Variants in THSD4 observed in about 807,000 individuals in gnomAD.
THSD4 encodes thrombospondin type-1 domain-containing protein 4.
Under a neutral mutation model 119.0 loss-of-function variants are expected in THSD4, and 69 were observed. The observed-to-expected ratio is 0.58, with a 90% CI of 0.48 to 0.71. The LOEUF (loss-of-function observed/expected upper bound fraction) is 0.71. Ranked by LOEUF, THSD4 falls within the 30% of genes least tolerant of loss-of-function variation. THSD4 has a pLI of 0.00. For synonymous variants in THSD4, 524 were observed against 540.4 expected (o/e 0.97, Z 0.42); for missense variants, 1,393 against 1,391.1 (o/e 1.00, Z -0.02).
At chr15:71,208,520 T>TA (rs1349180276) in intron 3 of THSD4, among the ~76,000 whole-genome samples, 3 of 151,546 alleles carry the variant, frequency 2.0e-5, no homozygotes, top group Non-Finnish European at 4.4e-5. Context: ...TTTTTATTTT[T>TA]TTTTATTTTG....
chr15:71,469,939 A>G (rs371608090), intron 7 of THSD4, among the ~76,000 whole-genome samples: 2 of 152,234 alleles, frequency 1.3e-5, no homozygotes, highest in Admixed American at 6.5e-5. Flanking sequence ...ATAAATATGT[A>G]CAGTGTCAAA....
At chr15:71,209,599 A>G (rs943332851) in intron 3 of THSD4, among the ~76,000 whole-genome samples, 8 of 152,046 alleles carry the variant, frequency 5.3e-5, no homozygotes, top group Admixed American at 3.3e-4. Flanking sequence ...CTTTCCTTAC[A>G]CCAACATGTC....
At chr15:71,101,823 C>T (rs942618328) in intron 1 of THSD4, among the ~76,000 whole-genome samples, 6 of 151,924 alleles carry the variant, frequency 3.9e-5, no homozygotes, top group Non-Finnish European at 5.9e-5. Flanking sequence ...AAGCGATTCT[C>T]GTGCCTCAGC....
intron 3 of THSD4, among the ~76,000 whole-genome samples, chr15:71,173,810 G>C (rs1471914982): frequency 6.6e-6 from 1 of 152,028 alleles, no homozygotes; most frequent in Non-Finnish European, 1.5e-5. Context: ...GACACTGACA[G>C]CCATGGAGAC....
intron 5 of THSD4, among the ~76,000 whole-genome samples, chr15:71,251,585 A>G (rs1191802860): frequency 6.6e-6 from 1 of 152,226 alleles, no homozygotes; most frequent in African/African-American, 2.4e-5. Context: ...GTGACATTAA[A>G]TACATCATAT....
intron 8 of THSD4, among the ~76,000 whole-genome samples, chr15:71,718,472 T>G (rs2052651759): frequency 6.6e-6 from 1 of 152,190 alleles, no homozygotes; most frequent in Admixed American, 6.5e-5. Context: ...TGAGAACTGT[T>G]TGTGTCATGA....
chr15:71,224,445 T>G (rs2043998341), intron 4 of THSD4, among the ~76,000 whole-genome samples: 1 of 152,220 alleles, frequency 6.6e-6, no homozygotes, highest in African/African-American at 2.4e-5. Flanking sequence ...TTCAAGCTGT[T>G]TGGCTATGCC....
At chr15:71,247,220 TTTG>T (rs958815883) in intron 5 of THSD4, among the ~76,000 whole-genome samples, 7 of 151,200 alleles carry the variant, frequency 4.6e-5, no homozygotes, top group African/African-American at 7.3e-5. Context: ...TTTGTTTATT[TTTG>T]TTGTTTTTTT....
chr15:71,135,974 G>A (rs1314160005), intron 1 of THSD4, among the ~76,000 whole-genome samples: 1 of 120,010 alleles, frequency 8.3e-6, no homozygotes, highest in East Asian at 2.2e-4. Context: ...AAGTCCTTTG[G>A]TTTTTTGTTT....
intron 1 of THSD4, among the ~76,000 whole-genome samples, chr15:71,097,660 C>T (rs1185322809): frequency 1.3e-5 from 2 of 149,048 alleles, no homozygotes; most frequent in African/African-American, 2.5e-5. Flanking sequence ...TGTTGTTATA[C>T]GTTATATCTT....
At chr15:71,620,106 C>T (rs1228216490) in intron 7 of THSD4, among the ~76,000 whole-genome samples, 1 of 152,112 alleles carries the variant, frequency 6.6e-6, no homozygotes, top group Non-Finnish European at 1.5e-5. Flanking sequence ...GGAAACAGCC[C>T]AGCATTTGAA....
chr15:71,218,569 G>A (rs1284532758), intron 4 of THSD4, among the ~76,000 whole-genome samples: 1 of 152,182 alleles, frequency 6.6e-6, no homozygotes, highest in Non-Finnish European at 1.5e-5. Flanking sequence ...ATGCTCTTGT[G>A]ATTTGACAGT....
intron 6 of THSD4, among the ~76,000 whole-genome samples, chr15:71,391,800 G>C (rs1444532087): frequency 6.6e-6 from 1 of 152,170 alleles, no homozygotes; most frequent in Non-Finnish European, 1.5e-5. Flanking sequence ...CAGAACACAA[G>C]AGACTCTCAC....
In THSD4 at chr15:71,771,143, G is replaced by C. The variant is rs1181081699; in HGVS notation, c.2849G>C (p.Cys950Ser). The change falls in exon 17 of 18, where the codon TGT (cysteine) becomes TCT (serine). Residue 950 changes from cysteine to serine, a missense_variant. Cys to Ser is a moderately radical substitution (Grantham distance 112, BLOSUM62 -1). Coordinates refer to ENST00000261862, the MANE Select transcript of THSD4 (RefSeq NM_024817.3). Reference sequence around the variant, plus strand: ...GATGACATGACTCTAAGTAACCTCTGTGACCCTCAGTTGAAACCAGAAGAG... The same window carrying C: ...GATGACATGACTCTAAGTAACCTCTCTGACCCTCAGTTGAAACCAGAAGAG... ...LSDDMTLSNL[C>S]DPQLKPEERE... The C allele has an allele frequency of 6.2e-7, 1 of 1,614,070 alleles. No homozygotes were observed. Among genetic ancestry groups the C allele is most frequent in the Non-Finnish European group, 8.5e-7 (1 of 1,180,044 alleles).
At chr15:71,295,640 C>G (rs919127902) in intron 6 of THSD4, among the ~76,000 whole-genome samples, 2 of 151,748 alleles carry the variant, frequency 1.3e-5, no homozygotes, top group African/African-American at 4.8e-5. Context: ...TTCAGTGGTT[C>G]TCAAATCTGC....
At chr15:71,120,361 C>A (rs559777029) in intron 1 of THSD4, among the ~76,000 whole-genome samples, 1 of 152,200 alleles carries the variant, frequency 6.6e-6, no homozygotes. Context: ...CTGTCTACCC[C>A]GTCACCCAGC....
intron 7 of THSD4, among the ~76,000 whole-genome samples, chr15:71,633,222 C>A (rs1013636706): frequency 6.6e-6 from 1 of 151,542 alleles, no homozygotes; most frequent in Non-Finnish European, 1.5e-5. Flanking sequence ...AATATAGTGC[C>A]TTGAATCAAA....
intron 7 of THSD4, among the ~76,000 whole-genome samples, chr15:71,619,656 G>A (rs924542522): frequency 2.6e-5 from 4 of 152,062 alleles, no homozygotes; most frequent in African/African-American, 9.7e-5. Context: ...TTTCTTTGTG[G>A]CTCAAGTTTT....
intron 7 of THSD4, chr15:71,547,176 G>A (rs1440678531): frequency 7.6e-7 from 1 of 1,314,828 alleles, no homozygotes; most frequent in Non-Finnish European, 9.7e-7. Context: ...GCTGGCTCCT[G>A]TCCCCTCCCC....
Sources: gnomAD v4.1 joint callset for allele counts (sites outside exome capture counted in the v4.1 genomes callset) on GRCh38, gnomAD v4.1.1 for gene constraint, MANE v1.5 for transcripts, NCBI Gene and HGNC (gene_info 2026-07-23, HGNC 2026-07-21) for gene names.